The following PALS2 variants were observed in gnomAD, a reference collection of about 807,000 sequenced individuals.
PALS2 encodes the protein protein associated with LIN7 2, MAGUK p55 family member.
A neutral mutation model predicts 61.6 loss-of-function variants in PALS2; 27 were observed. The ratio of observed to expected loss-of-function variants is 0.44; its 90% CI spans 0.32 to 0.60. The LOEUF (loss-of-function observed/expected upper bound fraction) is 0.60. Ranked by LOEUF, PALS2 falls within the 20% of genes least tolerant of loss-of-function variation. The pLI, the probability that PALS2 is intolerant of heterozygous loss-of-function variation, is 0.05. For missense variants in PALS2, 554 were observed against 639.4 expected (o/e 0.87, Z 1.44); for synonymous variants, 236 against 218.6 (o/e 1.08, Z -0.70).
At chr7:24,658,568 T>A (rs987362150) in intron 5 of PALS2, among the ~76,000 whole-genome samples, 15 of 151,762 alleles carry the variant, frequency 9.9e-5, no homozygotes, top group African/African-American at 3.6e-4. Context: ...AACTTTTTTT[T>A]TTTTTTTGAG....
chr7:24,637,869 A>G (rs1785314972), intron 2 of PALS2, among the ~76,000 whole-genome samples: 1 of 152,210 alleles, frequency 6.6e-6, no homozygotes, highest in Non-Finnish European at 1.5e-5. Flanking sequence ...CAAATACTCA[A>G]TGCCAGTCAT....
chr7:24,615,451 G>T (rs75992373), intron 1 of PALS2, among the ~76,000 whole-genome samples: 9,579 of 151,832 alleles, frequency 0.063, 348 homozygotes, highest in African/African-American at 0.093. Flanking sequence ...AAGACTATTA[G>T]GAACAACTAT....
chr7:24,609,640 C>T (rs1408218625), intron 1 of PALS2, among the ~76,000 whole-genome samples: 1 of 151,946 alleles, frequency 6.6e-6, no homozygotes, highest in African/African-American at 2.4e-5. Context: ...GGCAATCTCC[C>T]TTCCTCCATC....
At position 24,692,059 on chromosome 7, in the gene PALS2, G is replaced by A. The variant is rs776850705; in HGVS notation, c.*4445G>A. 2.7e-4 allele frequency: 41 copies of A among 151,900 alleles called. No individual in the cohort carries two copies. The highest frequency in any genetic ancestry group is 8.7e-4 in the African/African-American group (36 of 41,374). 9.4% of individuals were successfully genotyped at this position (151,900 alleles called of 1,614,324 possible). A position where few individuals can be genotyped will look rare whatever the true frequency, so the allele number is the denominator to read the frequency against. On this transcript the variant is annotated 3_prime_UTR_variant, in exon 12 of 12. Coordinates refer to ENST00000222644, the MANE Select transcript of PALS2 (RefSeq NM_001303037.2). ...TTTTAAATTGCATTTTTGTTCTAAC[G>A]TTTTGCAATTTATATTCTTTTTAAA...
At chr7:24,637,077 T>C (rs967664468) in intron 2 of PALS2, among the ~76,000 whole-genome samples, 2 of 152,150 alleles carry the variant, frequency 1.3e-5, no homozygotes, top group Non-Finnish European at 2.9e-5. Context: ...TTTTAAAAAT[T>C]TAACAGATTC....
At chr7:24,659,787 A>G (rs1786620222) in intron 5 of PALS2, among the ~76,000 whole-genome samples, 1 of 152,220 alleles carries the variant, frequency 6.6e-6, no homozygotes, top group Non-Finnish European at 1.5e-5. Flanking sequence ...CTACACAGAG[A>G]GAGGATGCAG....
In PALS2 at chr7:24,639,405, T is replaced by TACACAC. The variant is rs10607962; in HGVS notation, c.118-2288_118-2283dup. Among the ~76,000 whole-genome samples, 1,038 of 148,652 alleles carry TACACAC rather than the reference T, an allele frequency of 7.0e-3. 26 individuals carry two copies. The East Asian group carries it at 0.082, about 12-fold the overall frequency. On this transcript the variant is annotated intron_variant, in intron 2 of 11. Coordinates refer to ENST00000222644, the MANE Select transcript of PALS2 (RefSeq NM_001303037.2). Reference sequence around the variant, plus strand: ...GTATAATATACCTACCTTTGCTGAATACACACACACACACACACACACACA... The same window carrying TACACAC: ...GTATAATATACCTACCTTTGCTGAATACACACACACACACACACACACACACACACA...
chr7:24,644,869 GT>G (rs1469580756), intron 3 of PALS2, among the ~76,000 whole-genome samples: 4 of 151,904 alleles, frequency 2.6e-5, no homozygotes, highest in African/African-American at 9.7e-5. Context: ...TCTCATTGTG[GT>G]TTTGATTTGC....
At chr7:24,609,703 C>G (rs1340067762) in intron 1 of PALS2, among the ~76,000 whole-genome samples, 16 of 152,090 alleles carry the variant, frequency 1.1e-4, no homozygotes, top group Admixed American at 8.5e-4. Context: ...AGCCTCTACT[C>G]TCTTTTTTTT....
At chr7:24,598,797 TTC>T (rs1265820761) in intron 1 of PALS2, among the ~76,000 whole-genome samples, 1 of 152,210 alleles carries the variant, frequency 6.6e-6, no homozygotes, top group African/African-American at 2.4e-5. Context: ...GTGTCTGTGT[TTC>T]TCTGTCTTGT....
intron 1 of PALS2, among the ~76,000 whole-genome samples, chr7:24,606,265 A>C (rs1391858020): frequency 6.6e-6 from 1 of 152,194 alleles, no homozygotes; most frequent in African/African-American, 2.4e-5. Flanking sequence ...TGCTAGAAAT[A>C]CTTTACCCTA....
intron 2 of PALS2, among the ~76,000 whole-genome samples, chr7:24,639,814 A>ATTTTTTT (rs61073575): frequency 5.5e-4 from 53 of 96,244 alleles, no homozygotes; most frequent in African/African-American, 1.9e-3. Context: ...TTCTAGTCTA[A>ATTTTTTT]TTTTTTTTTT....
At chr7:24,676,807 T>C (rs1787624652) in intron 9 of PALS2, among the ~76,000 whole-genome samples, 1 of 151,228 alleles carries the variant, frequency 6.6e-6, no homozygotes, top group East Asian at 1.9e-4. Flanking sequence ...AGTCAGGTAG[T>C]GTGATGCCTC....
At chr7:24,579,292 G>T (rs1282833212) in intron 1 of PALS2, among the ~76,000 whole-genome samples, 1 of 152,188 alleles carries the variant, frequency 6.6e-6, no homozygotes, top group East Asian at 1.9e-4. Context: ...TTAGTTAACA[G>T]GGGCTTTCAC....
At chr7:24,611,897 C>G (rs1207465962) in intron 1 of PALS2, among the ~76,000 whole-genome samples, 1 of 151,928 alleles carries the variant, frequency 6.6e-6, no homozygotes, top group East Asian at 1.9e-4. Flanking sequence ...ATTTTAATTC[C>G]TCATAAGTTA....
chr7:24,608,800 A>T (rs766768006), intron 1 of PALS2, among the ~76,000 whole-genome samples: 1 of 151,958 alleles, frequency 6.6e-6, no homozygotes, highest in Non-Finnish European at 1.5e-5. Flanking sequence ...TTTTGTAGAG[A>T]TGAGGTCTTT....
At chr7:24,621,778 T>C (rs1784532242) in intron 1 of PALS2, among the ~76,000 whole-genome samples, 1 of 152,008 alleles carries the variant, frequency 6.6e-6, no homozygotes, top group Non-Finnish European at 1.5e-5. Flanking sequence ...AAATAAAAGT[T>C]AATATTAAAA....
In PALS2 at chr7:24,573,745, A is replaced by G. The variant is rs1200202599; in HGVS notation, c.-3+152A>G. ...ACCTGGGCTTCGGCGGGCGCGGGGA[A>G]GAGGGACCGGCAGGCGGCGGCGGCG... On this transcript the variant is annotated intron_variant, in intron 1 of 11. Transcript: ENST00000222644. This position sits in a 1 kb window ranked among gnomAD's most constrained non-coding sequence, Gnocchi z 5.3. Among the ~76,000 whole-genome samples, 1 of 141,980 alleles carries G rather than the reference A, an allele frequency of 7.0e-6. No individual in the cohort carries two copies. The highest frequency in any genetic ancestry group is 2.6e-5 in the African/African-American group (1 of 39,148). The allele number at this position is 141,980 out of a possible 152,430, so 93.1% of individuals were successfully genotyped here.
intron 3 of PALS2, among the ~76,000 whole-genome samples, chr7:24,642,728 T>C (rs1342083183): frequency 6.6e-6 from 1 of 152,162 alleles, no homozygotes; most frequent in Non-Finnish European, 1.5e-5. Context: ...TATGAAGGTT[T>C]ATAGTGAGAT....
Sources: gnomAD v4.1 joint callset for allele counts (sites outside exome capture counted in the v4.1 genomes callset) on GRCh38, gnomAD v4.1.1 for gene constraint, Gnocchi (gnomAD v3.1) non-coding constraint, MANE v1.5 for transcripts, NCBI Gene and HGNC (gene_info 2026-07-23, HGNC 2026-07-21) for gene names.